FAM193A: variants seen among roughly 807,000 people sequenced by gnomAD.
FAM193A encodes family with sequence similarity 193 member A, also known as protein FAM193A.
Under a neutral mutation model 126.5 loss-of-function variants are expected in FAM193A, and 22 were observed. The ratio of observed to expected loss-of-function variants is 0.17; its 90% CI spans 0.12 to 0.25. The LOEUF (loss-of-function observed/expected upper bound fraction) is 0.25, where lower values mean the gene tolerates loss of function less well. FAM193A is among the 10% of genes least tolerant of loss of function. The probability of loss-of-function intolerance (pLI) is 1.00; values close to 1 mark genes in which losing one functional copy is unlikely to be tolerated. For synonymous variants in FAM193A, 761 were observed against 646.8 expected (o/e 1.18, Z -2.68); for missense variants, 1,675 against 1,672.8 (o/e 1.00, Z -0.02).
Position 2,690,772 on chromosome 4 carries a change from C to A in FAM193A, c.2605C>A (p.Pro869Thr). The A allele has an allele frequency of 6.2e-7, 1 of 1,613,836 alleles. No individual in the cohort carries two copies. Among genetic ancestry groups the A allele is most frequent in the East Asian group, 2.2e-5 (1 of 44,882 alleles). ...TCCACCTCCATCTAGCAATGAAACA[C>A]CTGCAGTCTCGGATAGTAAAGAGAA... Reference protein sequence around the residue: ...ALPPPSSNETPAVSDSKEKKN... With the variant: ...ALPPPSSNETTAVSDSKEKKN... Residue 869 changes from proline to threonine, a missense_variant, in exon 15 of 21, where the codon CCT becomes ACT. Coordinates refer to ENST00000637812, the MANE Select transcript of FAM193A (RefSeq NM_001366318.2).
At chr4:2,623,824 C>G (rs1742705107) in intron 2 of FAM193A, among the ~76,000 whole-genome samples, 1 of 152,154 alleles carries the variant, frequency 6.6e-6, no homozygotes, top group Non-Finnish European at 1.5e-5. Flanking sequence ...ATACTCAAGA[C>G]TTAGGTGAAT....
intron 7 of FAM193A, among the ~76,000 whole-genome samples, chr4:2,647,155 T>C (rs1020534362): frequency 6.6e-6 from 1 of 151,812 alleles, no homozygotes; most frequent in African/African-American, 2.4e-5. Context: ...AGGTTTTTCT[T>C]TTTTTTTGAG....
At chr4:2,611,713 A>G (rs1469627666) in intron 2 of FAM193A, among the ~76,000 whole-genome samples, 1 of 152,166 alleles carries the variant, frequency 6.6e-6, no homozygotes, top group Non-Finnish European at 1.5e-5. Context: ...ATATTTTTAT[A>G]TAATCTCAAT....
chr4:2,702,782 G>A (rs1413496251), intron 19 of FAM193A, among the ~76,000 whole-genome samples: 2 of 152,176 alleles, frequency 1.3e-5, no homozygotes, highest in Non-Finnish European at 2.9e-5. Flanking sequence ...GGAAAACTCC[G>A]GGCATGCTTT....
At chr4:2,677,002 G>A (rs910319212) in intron 13 of FAM193A, among the ~76,000 whole-genome samples, 4 of 152,176 alleles carry the variant, frequency 2.6e-5, no homozygotes, top group Middle Eastern at 3.4e-3. Flanking sequence ...TGCCTTTGGC[G>A]TTACATCCAA....
chr4:2,632,071 C>T (rs1412987548), intron 5 of FAM193A, among the ~76,000 whole-genome samples: 2 of 151,882 alleles, frequency 1.3e-5, no homozygotes, highest in African/African-American at 2.4e-5. Flanking sequence ...TTTGAGGGGC[C>T]ACATCTGGTG....
At chr4:2,727,346 T>G (rs1720875724) in intron 20 of FAM193A, among the ~76,000 whole-genome samples, 2 of 152,222 alleles carry the variant, frequency 1.3e-5, no homozygotes, top group South Asian at 4.1e-4. Flanking sequence ...ATTTGGAAGT[T>G]TGTTTTAGAG....
At chr4:2,722,222 C>T (rs919092403) in intron 20 of FAM193A, among the ~76,000 whole-genome samples, 3 of 152,040 alleles carry the variant, frequency 2.0e-5, no homozygotes, top group Non-Finnish European at 4.4e-5. Flanking sequence ...TGTCAGACAC[C>T]GTGTGCATGT....
intron 1 of FAM193A, among the ~76,000 whole-genome samples, chr4:2,552,847 CTTTTTT>C (rs5855745): frequency 9.2e-5 from 11 of 119,394 alleles, no homozygotes; most frequent in African/African-American, 2.6e-4. Flanking sequence ...ACAGAACTTT[CTTTTTT>C]TTTTTTTTTT....
chr4:2,594,909 A>C (rs1353697328), intron 1 of FAM193A, among the ~76,000 whole-genome samples: 24 of 133,700 alleles, frequency 1.8e-4, no homozygotes, highest in Non-Finnish European at 3.4e-4. Flanking sequence ...GCTCACTGCA[A>C]CCTCCACCTT....
chr4:2,668,374 C>T (rs1401558278), intron 12 of FAM193A, among the ~76,000 whole-genome samples: 1 of 151,990 alleles, frequency 6.6e-6, no homozygotes, highest in African/African-American at 2.4e-5. Context: ...CCACCACGCC[C>T]ATCTAATTTT....
At chr4:2,627,568 T>G (rs1444151195) in intron 4 of FAM193A, among the ~76,000 whole-genome samples, 2 of 146,824 alleles carry the variant, frequency 1.4e-5, no homozygotes, top group East Asian at 4.0e-4. Flanking sequence ...GCAGCACATT[T>G]GGGAGGCTTT....
At chr4:2,618,591 CTT>C (rs34641526) in intron 2 of FAM193A, among the ~76,000 whole-genome samples, 1 of 79,848 alleles carries the variant, frequency 1.3e-5, no homozygotes, top group Non-Finnish European at 2.4e-5. Context: ...CCATGCCCGG[CTT>C]TTTTTTTTTT....
At position 2,663,268 on chromosome 4, in the gene FAM193A, C is replaced by G. The variant is rs1712702687; in HGVS notation, c.2059C>G (p.Pro687Ala). 1.9e-6 allele frequency: 3 copies of G among 1,596,014 alleles called. No individual in the cohort carries two copies. The highest frequency in any genetic ancestry group is 1.1e-5 in the South Asian group (1 of 87,988). The part of the protein sequence containing the change: ...TEESKADSPP[P>A]SYPTQQAEQA... ...GGAGAGCAAAGCAGACAGTCCACCC[C>G]CATCCTACCCAACACAGCAGGTAGG... The change falls in exon 12 of 21, where the codon CCA (proline) becomes GCA (alanine). Residue 687 changes from proline (P) to alanine (A), a missense_variant. Pro to Ala is a conservative substitution (Grantham distance 27). Transcript: ENST00000637812.
chr4:2,722,042 G>A (rs927782144), intron 20 of FAM193A, among the ~76,000 whole-genome samples: 7 of 152,202 alleles, frequency 4.6e-5, no homozygotes, highest in African/African-American at 1.7e-4. Context: ...ATGTCATAGA[G>A]AAGTCACGAA....
At chr4:2,577,541 C>T (rs936149873) in intron 1 of FAM193A, among the ~76,000 whole-genome samples, 10 of 151,196 alleles carry the variant, frequency 6.6e-5, no homozygotes, top group African/African-American at 2.4e-4. Flanking sequence ...GCCTCAGCCT[C>T]CTGAGTAGCT....
chr4:2,539,723 C>T (rs932433913), intron 1 of FAM193A, among the ~76,000 whole-genome samples: 3 of 152,092 alleles, frequency 2.0e-5, no homozygotes, highest in Non-Finnish European at 4.4e-5. Context: ...GGTTTTTGAC[C>T]ATGACCCACT....
chr4:2,558,123 T>A (rs146185595), intron 1 of FAM193A, among the ~76,000 whole-genome samples: 50 of 151,982 alleles, frequency 3.3e-4, no homozygotes, highest in African/African-American at 1.1e-3. Flanking sequence ...AATATGAAAG[T>A]TAGCTGAGTG....
At chr4:2,590,511 A>C (rs868639552) in intron 1 of FAM193A, among the ~76,000 whole-genome samples, 2 of 128,676 alleles carry the variant, frequency 1.6e-5, no homozygotes, top group Non-Finnish European at 3.2e-5. Context: ...AAAAACAAAA[A>C]AAAAACAAAA....
Sources: gnomAD v4.1 joint callset for allele counts (sites outside exome capture counted in the v4.1 genomes callset) on GRCh38, gnomAD v4.1.1 for gene constraint, MANE v1.5 for transcripts, NCBI Gene and HGNC (gene_info 2026-07-23, HGNC 2026-07-21) for gene names.